The following EHMT2 variants were observed in gnomAD, a reference collection of about 807,000 sequenced individuals.
EHMT2 encodes the protein euchromatic histone lysine methyltransferase 2.
In EHMT2, 59 loss-of-function variants were observed where a neutral mutation model predicts 143.3. That is an observed-to-expected ratio of 0.41 (90% CI 0.33 to 0.51). The LOEUF (loss-of-function observed/expected upper bound fraction) is 0.51, where lower values mean the gene tolerates loss of function less well. Ranked by LOEUF, EHMT2 falls within the 20% of genes least tolerant of loss-of-function variation. The pLI is 0.18. For synonymous variants in EHMT2, 604 were observed against 651.5 expected, an observed-to-expected ratio of 0.93 and a Z score of 1.11; for missense variants, 1,174 against 1,645.9, an observed-to-expected ratio of 0.71 and a Z score of 4.96.
chr6:31,884,351 G>A lies in EHMT2; in HGVS notation c.2771+41C>T, dbSNP rs753590575. 1.3e-6 allele frequency: 2 copies of A among 1,581,142 alleles called. No homozygotes were observed. The highest frequency in any genetic ancestry group is 1.3e-5 in the African/African-American group (1 of 74,644). On this transcript the variant is annotated intron_variant, in intron 21 of 27. Coordinates refer to ENST00000375537, the Ensembl canonical transcript of EHMT2. This position sits in a 1 kb window ranked among gnomAD's most constrained non-coding sequence, Gnocchi z 7.3. ...GGAGCCTGGGGAGGGTATGGGTGGG[G>A]AGGAGGTGGTCTTGGGTGCAGAGAG...
Position 31,884,252 on chromosome 6 carries a change from G to T in EHMT2, c.2771+140C>A. Reference sequence around the variant, plus strand: ...TGCTGTATCTGGCAACCCTAGTGGGGAGGGGGCCTGTGGGTGGTTCTGGGG... The same window carrying T: ...TGCTGTATCTGGCAACCCTAGTGGGTAGGGGGCCTGTGGGTGGTTCTGGGG... On this transcript the variant is annotated intron_variant, in intron 21 of 27. Coordinates refer to ENST00000375537, the Ensembl canonical transcript of EHMT2. The surrounding 1 kb of genome is among the most constrained non-coding windows in gnomAD (Gnocchi z 7.3). 1 of 1,003,566 alleles carries T rather than the reference G, an allele frequency of 1.0e-6. No homozygotes were observed. Among genetic ancestry groups the T allele is most frequent in the Non-Finnish European group, 1.4e-6 (1 of 700,136 alleles). 62.2% of individuals were successfully genotyped at this position (1,003,566 alleles called of 1,614,324 possible). A position where few individuals can be genotyped will look rare whatever the true frequency, so the allele number is the denominator to read the frequency against.
chr6:31,896,552 GAAGGC>G, intron 3 of EHMT2, 36 bp from the exon 4 acceptor site: 2 of 1,605,698 alleles, frequency 1.2e-6, no homozygotes, highest in Non-Finnish European at 8.5e-7. Flanking sequence ...AGATAAGAAA[GAAGGC>G]AAGAGTCAGA....
In EHMT2 at chr6:31,883,841, T is replaced by C; in HGVS notation, c.2881A>G (p.Thr961Ala). 6.2e-7 allele frequency: 1 copy of C among 1,614,016 alleles called. No individual in the cohort carries two copies. The highest frequency in any genetic ancestry group is 1.3e-5 in the African/African-American group (1 of 74,986). Residue 961 changes from threonine to alanine, a missense_variant, in exon 22 of 28, where the codon ACC becomes GCC. Coordinates refer to ENST00000375537, the Ensembl canonical transcript of EHMT2. This position sits in a 1 kb window ranked among gnomAD's most constrained non-coding sequence, Gnocchi z 5.6. ...GTGATGTTGCGATCGATGTTCATGG[T>C]GGACGTCTCGCAGTTCTCTGAGATG...
At chr6:31,886,475 G>A (rs761089232) in intron 18 of EHMT2, 106 bp downstream of exon 18, 3 of 849,584 alleles carry the variant, frequency 3.5e-6, no homozygotes, top group African/African-American at 1.7e-5. Context: ...GGACAGACAC[G>A]AGCAGTGTGA....
chr6:31,883,074 C>T lies in EHMT2; in HGVS notation c.2995-65G>A. ...CCCACCTCAGCTGCCCACCCAGGAA[C>T]CCCAAGACTCTACAGAGACAGGGAA... is the stretch of plus-strand genomic sequence containing the variant. On this transcript the variant is annotated intron_variant, in intron 23 of 27. Coordinates refer to ENST00000375537, the Ensembl canonical transcript of EHMT2. This position sits in a 1 kb window ranked among gnomAD's most constrained non-coding sequence, Gnocchi z 5.6. 1 of 1,421,292 alleles carries T rather than the reference C, an allele frequency of 7.0e-7. No individual in the cohort carries two copies. The highest frequency in any genetic ancestry group is 2.3e-5 in the East Asian group (1 of 42,990). The allele number at this position is 1,421,292 out of a possible 1,614,324, so 88.0% of individuals were successfully genotyped here. A position where few individuals can be genotyped will look rare whatever the true frequency, so the allele number is the denominator to read the frequency against.
In EHMT2 at chr6:31,889,173, T is replaced by A; in HGVS notation, c.1114+55A>T. 1 of 1,555,660 alleles carries A rather than the reference T, an allele frequency of 6.4e-7. No homozygotes were observed. The highest frequency in any genetic ancestry group is 1.9e-5 in the Admixed American group (1 of 52,260). On this transcript the variant is annotated intron_variant, in intron 9 of 27. Transcript: ENST00000375537. The surrounding 1 kb of genome is among the most constrained non-coding windows in gnomAD (Gnocchi z 5.1). ...AGAGCGTGTGTGTGCGTGCACACAC[T>A]CTGGGGGGCCGGGCGGGGGCTGGAG... is the stretch of plus-strand genomic sequence containing the variant.
chr6:31,880,147 G>A lies in EHMT2; in HGVS notation c.3570C>T (p.Ala1190=). ...GCAGCTCAGGGTGTGGGTCCAGGCG[G>A]GCCAGACGGCTCTGCTCCAGGGCAA... The change falls in exon 28 of 28, where the codon GCC becomes GCT. Residue 1190 remains alanine (A), a synonymous_variant. Coordinates refer to ENST00000375537, the Ensembl canonical transcript of EHMT2. The surrounding 1 kb of genome is among the most constrained non-coding windows in gnomAD (Gnocchi z 6.6). 6.2e-7 allele frequency: 1 copy of A among 1,612,936 alleles called. No individual in the cohort carries two copies. The highest frequency in any genetic ancestry group is 8.5e-7 in the Non-Finnish European group (1 of 1,179,996).
rs1049849456 is a variant in EHMT2, at chr6:31,880,913, C to T, written c.3277-65G>A. 6 of 1,607,986 alleles carry T rather than the reference C, an allele frequency of 3.7e-6. No individual in the cohort carries two copies. In the African/African-American group the frequency reaches 6.7e-5, roughly 18 times the overall value. On this transcript the variant is annotated intron_variant, in intron 26 of 27. Transcript: ENST00000375537. This position sits in a 1 kb window ranked among gnomAD's most constrained non-coding sequence, Gnocchi z 6.6. ...CCTGCTTGCCCTCCCCACCCACTGA[C>T]TCCCCAGTCCCTCCTCCCCAGGTTT...
Position 31,883,216 on chromosome 6 carries a change from G to A in EHMT2, c.2994+146C>T, listed in dbSNP as rs2151597633. The A allele has an allele frequency of 4.2e-6, 4 of 944,984 alleles. No individual in the cohort carries two copies. The East Asian group carries it at 1.1e-4, about 25-fold the overall frequency. The allele number at this position is 944,984 out of a possible 1,614,324, so 58.5% of individuals were successfully genotyped here. On this transcript the variant is annotated intron_variant, in intron 23 of 27. Coordinates refer to ENST00000375537, the Ensembl canonical transcript of EHMT2. This position sits in a 1 kb window ranked among gnomAD's most constrained non-coding sequence, Gnocchi z 5.6. Reference sequence around the variant, plus strand: ...CCATCGCTGTCCCAGCCACATCCCAGGATTCCCAGGCCTTGCCCAGTCCTC... The same window carrying A: ...CCATCGCTGTCCCAGCCACATCCCAAGATTCCCAGGCCTTGCCCAGTCCTC...
rs1286164042 is a variant in EHMT2 at position 31,888,150 on chromosome 6, C to T, written c.1636G>A (p.Val546Met). The T allele has an allele frequency of 6.8e-6, 11 of 1,612,518 alleles. No homozygotes were observed. The African/African-American group carries it at 1.5e-4, about 22-fold the overall frequency. ...ACCCCGTCACCCCGGGGGATGGTCA[C>T]CTCTTGAGCTTCAGAAGCATCCTCC... The change falls in exon 13 of 28, where the codon GTG becomes ATG. Residue 546 changes from valine (V) to methionine (M), a missense_variant. Physicochemically the swap from Val to Met is conservative, Grantham distance 21. This residue lies in a region of EHMT2 where 608 missense variants were observed against 903.7 expected (regional missense o/e 0.67). Transcript: ENST00000375537. The surrounding 1 kb of genome is among the most constrained non-coding windows in gnomAD (Gnocchi z 7.4).
At chr6:31,890,405 C>T (rs1187526482) in intron 7 of EHMT2, among the ~76,000 whole-genome samples, 1 of 151,886 alleles carries the variant, frequency 6.6e-6, no homozygotes, top group Non-Finnish European at 1.5e-5. Flanking sequence ...TATAGGCACC[C>T]GCCACCACAC....
At chr6:31,896,123 G>T in intron 4 of EHMT2, 140 bp downstream of exon 4, 1 of 1,237,300 alleles carries the variant, frequency 8.1e-7, no homozygotes, top group Non-Finnish European at 1.1e-6. Context: ...CACAGATCAA[G>T]CACAGCCTAA....
In EHMT2 at chr6:31,880,225, T is replaced by C. The variant is rs1352136744; in HGVS notation, c.3492A>G (p.Lys1164=). ...CAGAGCCACATTGGCAGGTGAAATA[T>C]TTGCTTTTGATGTCCCAGAAGCGGT... The change falls in exon 28 of 28, where the codon AAA becomes AAG. Residue 1164 remains lysine, a synonymous_variant. Coordinates refer to ENST00000375537, the Ensembl canonical transcript of EHMT2. The surrounding 1 kb of genome is among the most constrained non-coding windows in gnomAD (Gnocchi z 6.6). 2 of 1,612,872 alleles carry C rather than the reference T, an allele frequency of 1.2e-6. No homozygotes were observed. The highest frequency in any genetic ancestry group is 1.7e-5 in the Admixed American group (1 of 60,016).
At chr6:31,897,679 G>T in exon 1 of EHMT2, 7 of 1,132,466 alleles carry the variant, frequency 6.2e-6, no homozygotes, top group Non-Finnish European at 7.7e-6. Context: ...CGCCGCCATC[G>T]CCGCTTGCGC....
chr6:31,886,553 G>A (rs775826496), intron 18 of EHMT2, 28 bp downstream of exon 18: 100 of 1,597,062 alleles, frequency 6.3e-5, no homozygotes, highest in Non-Finnish European at 8.2e-5. Flanking sequence ...CAGGGACCCA[G>A]AGGGGCTGGG....
Position 31,889,267 on chromosome 6 carries a change from G to A in EHMT2, c.1075C>T (p.Arg359Trp), listed in dbSNP as rs973080045. Residue 359 changes from arginine (R) to tryptophan (W), a missense_variant, in exon 9 of 28, where the codon CGG (arginine) becomes TGG (tryptophan). Arg to Trp is a moderately radical substitution (Grantham distance 101). Coordinates refer to ENST00000375537, the Ensembl canonical transcript of EHMT2. The surrounding 1 kb of genome is among the most constrained non-coding windows in gnomAD (Gnocchi z 5.1). ...GCCCGCGGAGGCTCCCGCTTGCGCC[G>A]TTTCCGAGACGGCTTCACCCATGGG... 3 of 1,611,948 alleles carry A rather than the reference G, an allele frequency of 1.9e-6. No individual in the cohort carries two copies. Among genetic ancestry groups the A allele is most frequent in the Non-Finnish European group, 2.5e-6 (3 of 1,179,848 alleles).
chr6:31,897,117 C>G (rs774274299), intron 1 of EHMT2, 128 bp from the exon 2 acceptor site: 2 of 1,415,582 alleles, frequency 1.4e-6, no homozygotes, highest in Non-Finnish European at 1.8e-6. Context: ...GGGCCCCCCC[C>G]TTCCGCGGCC....
chr6:31,882,516 G>T (rs1764238480), intron 25 of EHMT2, among the ~76,000 whole-genome samples, 183 bp downstream of exon 25: 1 of 152,074 alleles, frequency 6.6e-6, no homozygotes. Context: ...CAGCTGGGGG[G>T]ATGGGGGTCA....
Position 31,883,161 on chromosome 6 carries a change from T to C in EHMT2, c.2995-152A>G. On this transcript the variant is annotated intron_variant, in intron 23 of 27. Transcript: ENST00000375537. This position sits in a 1 kb window ranked among gnomAD's most constrained non-coding sequence, Gnocchi z 5.6. Reference sequence around the variant, plus strand: ...GAGAGCACGAAATGCAGGAGCATCATCCCTGGTTTGCATAGACCTGGGCAC... The same window carrying C: ...GAGAGCACGAAATGCAGGAGCATCACCCCTGGTTTGCATAGACCTGGGCAC... The C allele has an allele frequency of 2.3e-6, 2 of 863,730 alleles. No individual in the cohort carries two copies. Among genetic ancestry groups the C allele is most frequent in the Non-Finnish European group, 3.7e-6 (2 of 539,680 alleles). 53.5% of individuals were successfully genotyped at this position (863,730 alleles called of 1,614,324 possible).
Sources: gnomAD v4.1 joint callset for allele counts (sites outside exome capture counted in the v4.1 genomes callset) on GRCh38, gnomAD v4.1.1 for gene constraint, gnomAD v4.1.1 regional missense constraint, Gnocchi (gnomAD v3.1) non-coding constraint, MANE v1.5 for transcripts, NCBI Gene and HGNC (gene_info 2026-07-23, HGNC 2026-07-21) for gene names.